MAPK8: variants seen among roughly 807,000 people sequenced by gnomAD.
MAPK8 encodes the protein mitogen-activated protein kinase 8, also known as JUN N-terminal kinase.
Under a neutral mutation model 52.9 loss-of-function variants are expected in MAPK8, and 13 were observed. The observed-to-expected ratio is 0.25, with a 90% CI of 0.16 to 0.39. MAPK8 has a LOEUF of 0.39. Among genes scored for constraint, MAPK8 ranks in the 10% least tolerant of loss-of-function variants. The pLI is 1.00. For synonymous variants in MAPK8, 191 were observed against 169.8 expected (o/e 1.12, Z -0.97); for missense variants, 300 against 519.2 (o/e 0.58, Z 4.10).
intron 1 of MAPK8, among the ~76,000 whole-genome samples, chr10:48,386,522 G>A (rs1396583705): frequency 1.3e-5 from 2 of 152,150 alleles, no homozygotes; most frequent in Non-Finnish European, 2.9e-5. Context: ...AGTTGAGCAA[G>A]CCCAGAAGCC....
chr10:48,354,308 T>C (rs1323317016), intron 1 of MAPK8, among the ~76,000 whole-genome samples: 1 of 152,232 alleles, frequency 6.6e-6, no homozygotes, highest in Non-Finnish European at 1.5e-5. Context: ...TTGCCAAATC[T>C]GGTTTCCTTT....
chr10:48,337,807 C>G (rs1324923031), intron 1 of MAPK8, among the ~76,000 whole-genome samples: 1 of 152,076 alleles, frequency 6.6e-6, no homozygotes, highest in Non-Finnish European at 1.5e-5. Flanking sequence ...TCCTTAGAGA[C>G]TACTGTGGAC....
chr10:48,434,070 A>T (rs563046478), intron 11 of MAPK8, among the ~76,000 whole-genome samples: 7 of 152,294 alleles, frequency 4.6e-5, no homozygotes, highest in Admixed American at 3.3e-4. Context: ...TTCCTAAACC[A>T]ATCCCCTTGA....
chr10:48,311,559 G>A (rs565581832), intron 1 of MAPK8, among the ~76,000 whole-genome samples: 4 of 152,238 alleles, frequency 2.6e-5, no homozygotes, highest in Admixed American at 1.3e-4. Context: ...TAGGAGCTAC[G>A]AATAGCTTTA....
At chr10:48,414,527 A>C (rs1389584889) in intron 5 of MAPK8, among the ~76,000 whole-genome samples, 3 of 130,174 alleles carry the variant, frequency 2.3e-5, no homozygotes, top group Admixed American at 8.1e-5. Context: ...ATCATAGTTC[A>C]CTTGCAGCCT....
Position 48,335,125 on chromosome 10 carries a change from C to A in MAPK8, c.-50+28304C>A, listed in dbSNP as rs1441498476. Among the ~76,000 whole-genome samples, 3 of 152,102 alleles carry A rather than the reference C, an allele frequency of 2.0e-5. 1 individual carries two copies. The highest frequency in any genetic ancestry group is 4.4e-5 in the Non-Finnish European group (3 of 68,030). On this transcript the variant is annotated intron_variant, in intron 1 of 11. Transcript: ENST00000374189. ...TTTGTCACATCTGCAGGTTGACTGC[C>A]AGTACTTAGATTTAGCATGCCTTGA...
chr10:48,341,600 CTTA>C (rs931325575), intron 1 of MAPK8, among the ~76,000 whole-genome samples: 3 of 152,178 alleles, frequency 2.0e-5, no homozygotes, highest in Non-Finnish European at 4.4e-5. Context: ...CTGTTTGGTG[CTTA>C]TTATGCGCCA....
chr10:48,396,325 A>G (rs74436642), intron 1 of MAPK8, among the ~76,000 whole-genome samples: 3,455 of 152,272 alleles, frequency 0.023, 145 homozygotes, highest in African/African-American at 0.079. Context: ...TATATAGATG[A>G]CAAAGAAGCA....
intron 5 of MAPK8, among the ~76,000 whole-genome samples, chr10:48,413,815 T>TTATATATATATATATA (rs59042608): frequency 6.4e-4 from 31 of 48,404 alleles, no homozygotes; most frequent in South Asian, 1.1e-3. Flanking sequence ...GCCAGAATTG[T>TTATATATATATATATA]TATATATATA....
intron 1 of MAPK8, among the ~76,000 whole-genome samples, chr10:48,355,629 C>T (rs912511471): frequency 2.6e-5 from 4 of 151,460 alleles, no homozygotes; most frequent in African/African-American, 4.8e-5. Context: ...TTGAAAAGTA[C>T]GAAAGAGAAG....
At chr10:48,424,612 A>T in intron 7 of MAPK8, 1 of 1,500,956 alleles carries the variant, frequency 6.7e-7, no homozygotes, top group Non-Finnish European at 9.0e-7. Context: ...CCTAAAATGT[A>T]GTTTCTAAAG....
At chr10:48,362,646 T>C (rs1437755423) in intron 1 of MAPK8, among the ~76,000 whole-genome samples, 1 of 152,004 alleles carries the variant, frequency 6.6e-6, no homozygotes, top group Non-Finnish European at 1.5e-5. Flanking sequence ...AGACCATAGT[T>C]TTATGAACAA....
At chr10:48,324,503 G>GTTTTTTTTTTTTTT (rs370766776) in intron 1 of MAPK8, among the ~76,000 whole-genome samples, 2,926 of 117,630 alleles carry the variant, frequency 0.025, 394 homozygotes, top group African/African-American at 0.099. Context: ...CTGTTTTCTA[G>GTTTTTTTTTTTTTT]TTTTTTTTTT....
Position 48,307,327 on chromosome 10 carries a change from C to A in MAPK8, c.-50+506C>A, listed in dbSNP as rs557790558. 8.9e-4 allele frequency among the ~76,000 whole-genome samples: 135 copies of A among 152,322 alleles called. 2 individuals are homozygous for A. The highest frequency in any genetic ancestry group is 1.4e-3 in the Non-Finnish European group (95 of 68,014). The stretch of plus-strand genomic sequence containing the variant: ...TTTGCTTCTCGATGCTTTCTTTGTG[C>A]TAACGTTCTGGGCGAACGCAGGCAG... On this transcript the variant is annotated intron_variant, in intron 1 of 11. Coordinates refer to ENST00000374189, the MANE Select transcript of MAPK8 (RefSeq NM_001323329.2).
At position 48,315,300 on chromosome 10, in the gene MAPK8, A is replaced by G. The variant is rs538833528; in HGVS notation, c.-50+8479A>G. Among the ~76,000 whole-genome samples the G allele has an allele frequency of 7.9e-5, 12 of 152,320 alleles. No homozygotes were observed. In the East Asian group the frequency reaches 9.6e-4, roughly 12 times the overall value. On this transcript the variant is annotated intron_variant, in intron 1 of 11. Transcript: ENST00000374189. ...CTAGATGCACAAGCATTACAGTCCA[A>G]TAAGTTTGCCTTTGTATACACTTGT... is the stretch of plus-strand genomic sequence containing the variant.
chr10:48,403,914 A>G (rs2042299777), intron 2 of MAPK8, among the ~76,000 whole-genome samples: 1 of 70,288 alleles, frequency 1.4e-5, no homozygotes, highest in Non-Finnish European at 2.9e-5. Flanking sequence ...ACGCCCGGCT[A>G]ATTTGTGTGT....
At chr10:48,383,144 C>G (rs1343502620) in intron 1 of MAPK8, among the ~76,000 whole-genome samples, 1 of 151,602 alleles carries the variant, frequency 6.6e-6, no homozygotes, top group Non-Finnish European at 1.5e-5. Context: ...CTCACCAAAA[C>G]CAATAAGCCT....
At chr10:48,362,101 T>C (rs1589071006) in intron 1 of MAPK8, among the ~76,000 whole-genome samples, 1 of 152,196 alleles carries the variant, frequency 6.6e-6, no homozygotes, top group South Asian at 2.1e-4. Context: ...TTTTTCCAGC[T>C]TTATTTCCTG....
intron 1 of MAPK8, among the ~76,000 whole-genome samples, chr10:48,307,391 C>A (rs1042252857): frequency 6.6e-6 from 1 of 152,194 alleles, no homozygotes; most frequent in Non-Finnish European, 1.5e-5. Flanking sequence ...CAGCTCTGGG[C>A]TGCAGGGCAG....
Sources: allele counts gnomAD v4.1 joint callset (sites outside exome capture counted in the v4.1 genomes callset), GRCh38; gene constraint gnomAD v4.1.1; transcripts MANE v1.5; gene names NCBI Gene and HGNC (gene_info 2026-07-23, HGNC 2026-07-21).